The following DAAM1 variants were observed in gnomAD, a reference collection of about 807,000 sequenced individuals.
DAAM1 encodes the protein disheveled-associated activator of morphogenesis 1.
In DAAM1, 52 loss-of-function variants were observed where a neutral mutation model predicts 130.0. The observed-to-expected ratio is 0.40, with a 90% CI of 0.32 to 0.50. The LOEUF (loss-of-function observed/expected upper bound fraction) is 0.50, where lower values mean the gene tolerates loss of function less well. Ranked by LOEUF, DAAM1 falls within the 20% of genes least tolerant of loss-of-function variation. DAAM1 has a pLI of 0.61. For synonymous variants in DAAM1, 452 were observed against 444.5 expected (o/e 1.02, Z -0.21); for missense variants, 1,134 against 1,303.8 (o/e 0.87, Z 2.01).
intron 1 of DAAM1, among the ~76,000 whole-genome samples, chr14:59,209,788 A>C (rs183126937): frequency 6.6e-6 from 1 of 152,274 alleles, no homozygotes; most frequent in East Asian, 1.9e-4. Context: ...GTTGTAAGTC[A>C]AGGAACATCT....
At chr14:59,322,535 G>C (rs1224168749) in intron 5 of DAAM1, among the ~76,000 whole-genome samples, 1 of 151,798 alleles carries the variant, frequency 6.6e-6, no homozygotes, top group Non-Finnish European at 1.5e-5. Flanking sequence ...GGGGGCATGG[G>C]AACTGTATGC....
intron 3 of DAAM1, among the ~76,000 whole-genome samples, chr14:59,305,792 C>A (rs1884358113): frequency 6.6e-6 from 1 of 152,130 alleles, no homozygotes; most frequent in Non-Finnish European, 1.5e-5. Flanking sequence ...TCTTTTCTTG[C>A]TTTTCTTGCT....
intron 1 of DAAM1, among the ~76,000 whole-genome samples, chr14:59,244,856 G>T (rs537904753): frequency 5.3e-5 from 8 of 152,208 alleles, no homozygotes; most frequent in Non-Finnish European, 7.3e-5. Flanking sequence ...ACACTACCCA[G>T]TGAGGTGGGG....
At chr14:59,315,150 A>T in intron 3 of DAAM1, 130 bp from the exon 4 acceptor site, 1 of 835,454 alleles carries the variant, frequency 1.2e-6, no homozygotes, top group Non-Finnish European at 2.1e-6. Context: ...TTAAAAATAA[A>T]TACGTCATAC....
chr14:59,238,460 A>C (rs1889373143), intron 1 of DAAM1, among the ~76,000 whole-genome samples: 2 of 152,158 alleles, frequency 1.3e-5, no homozygotes, highest in Non-Finnish European at 2.9e-5. Context: ...TCAGCTCCAC[A>C]GTAACTGAAA....
chr14:59,223,855 C>T (rs562918471), intron 1 of DAAM1, among the ~76,000 whole-genome samples: 59 of 152,322 alleles, frequency 3.9e-4, no homozygotes, highest in African/African-American at 1.3e-3. Flanking sequence ...GGAAGACCTG[C>T]ATTTTATCAG....
intron 1 of DAAM1, among the ~76,000 whole-genome samples, chr14:59,205,527 T>C (rs1888231342): frequency 6.6e-6 from 1 of 152,174 alleles, no homozygotes; most frequent in South Asian, 2.1e-4. Context: ...GAGAAAGACA[T>C]TTGAGTTTTG....
chr14:59,359,243 C>G (rs1183936822), intron 20 of DAAM1, 154 bp from the exon 21 acceptor site: 3 of 567,900 alleles, frequency 5.3e-6, no homozygotes, highest in Non-Finnish European at 6.1e-6. Context: ...ACATGATCCT[C>G]CAAATTTTGA....
chr14:59,205,294 G>A (rs1319123124), intron 1 of DAAM1, among the ~76,000 whole-genome samples: 1 of 152,214 alleles, frequency 6.6e-6, no homozygotes, highest in Non-Finnish European at 1.5e-5. Context: ...CATGTATATA[G>A]AGATATTTCA....
intron 23 of DAAM1, among the ~76,000 whole-genome samples, chr14:59,364,007 G>T (rs1325185732): frequency 6.6e-6 from 1 of 152,096 alleles, no homozygotes; most frequent in African/African-American, 2.4e-5. Flanking sequence ...CTTTTTGTCT[G>T]ACTGGCCTAT....
Position 59,347,613 on chromosome 14 carries a change from T to C in DAAM1, c.2150T>C (p.Met717Thr). 3 of 1,613,774 alleles carry C rather than the reference T, an allele frequency of 1.9e-6. No individual in the cohort carries two copies. Among genetic ancestry groups the C allele is most frequent in the Non-Finnish European group, 2.5e-6 (3 of 1,179,782 alleles). ...MDEQEDLPKD[M>T]LEQLLKFVPE... Reference sequence around the variant, plus strand: ...GAACAGGAAGATCTGCCCAAGGACATGTTGGAACAGGTGAGCTACCAGATG... The same window carrying C: ...GAACAGGAAGATCTGCCCAAGGACACGTTGGAACAGGTGAGCTACCAGATG... The change falls in exon 17 of 25, where the codon ATG (methionine) becomes ACG (threonine). Residue 717 changes from methionine (M) to threonine (T), a missense_variant. By Grantham distance (81) the Met-to-Thr change is moderately conservative (BLOSUM62 -1). Coordinates refer to ENST00000360909, the MANE Select transcript of DAAM1 (RefSeq NM_001270520.2).
intron 3 of DAAM1, among the ~76,000 whole-genome samples, chr14:59,302,859 G>A (rs999190963): frequency 1.3e-5 from 2 of 152,046 alleles, no homozygotes; most frequent in Non-Finnish European, 2.9e-5. Context: ...TCACCATGTT[G>A]GTCAGGCTGG....
chr14:59,276,376 A>G lies in DAAM1; in HGVS notation c.183+12716A>G, dbSNP rs570694979. Among the ~76,000 whole-genome samples the G allele has an allele frequency of 1.4e-3, 209 of 152,252 alleles. 1 individual carries two copies. The highest frequency in any genetic ancestry group is 4.9e-3 in the African/African-American group (203 of 41,552). On this transcript the variant is annotated intron_variant, in intron 2 of 24. Transcript: ENST00000360909. The stretch of plus-strand genomic sequence containing the variant: ...ATGTTGTACTTATTATCACCATGTC[A>G]TGTGTCTTTAGGTCACAGCTTCTTC...
intron 5 of DAAM1, among the ~76,000 whole-genome samples, chr14:59,321,044 A>C (rs1281820863): frequency 1.3e-5 from 2 of 152,230 alleles, no homozygotes; most frequent in East Asian, 3.8e-4. Context: ...ATAGCCAAGA[A>C]GTGAAAATAA....
chr14:59,316,771 C>T (rs1249835521), intron 4 of DAAM1, among the ~76,000 whole-genome samples: 5 of 152,102 alleles, frequency 3.3e-5, no homozygotes, highest in Admixed American at 3.3e-4. Flanking sequence ...TTGTTCCTGG[C>T]TGTTAGGAAA....
intron 6 of DAAM1, among the ~76,000 whole-genome samples, chr14:59,323,554 ATAT>A (rs760171677): frequency 4.8e-4 from 73 of 152,308 alleles, no homozygotes; most frequent in Admixed American, 2.2e-3. Context: ...ATTAGGATCA[ATAT>A]TAATAATTTT....
chr14:59,322,842 A>C, intron 5 of DAAM1, 50 bp from the exon 6 acceptor site: 1 of 1,458,634 alleles, frequency 6.9e-7, no homozygotes, highest in Non-Finnish European at 9.4e-7. Context: ...GTTAGGGGCT[A>C]TTATAAAACC....
chr14:59,310,212 C>T (rs1228842964), intron 3 of DAAM1, among the ~76,000 whole-genome samples: 1 of 151,486 alleles, frequency 6.6e-6, no homozygotes, highest in African/African-American at 2.4e-5. Flanking sequence ...CCGGTTCAAG[C>T]GATTCTCACG....
At chr14:59,336,239 G>A (rs531776727) in intron 15 of DAAM1, among the ~76,000 whole-genome samples, 107 of 152,170 alleles carry the variant, frequency 7.0e-4, no homozygotes, top group Non-Finnish European at 9.6e-4. Flanking sequence ...TCCCATTGTG[G>A]AATTCAATCT....
Sources: gnomAD v4.1 joint callset for allele counts (sites outside exome capture counted in the v4.1 genomes callset) on GRCh38, gnomAD v4.1.1 for gene constraint, MANE v1.5 for transcripts, NCBI Gene and HGNC (gene_info 2026-07-23, HGNC 2026-07-21) for gene names.